ROBO1: variants seen among roughly 807,000 people sequenced by gnomAD.
ROBO1 encodes roundabout homolog 1.
A neutral mutation model predicts 195.9 loss-of-function variants in ROBO1; 149 were observed. The ratio of observed to expected loss-of-function variants is 0.76; its 90% confidence interval spans 0.67 to 0.87. The LOEUF is 0.87. Ranked by LOEUF, ROBO1 falls within the 40% of genes least tolerant of loss-of-function variation. ROBO1 has a pLI of 0.00. For synonymous variants in ROBO1, 816 were observed against 733.2 expected (o/e 1.11, Z -1.82); for missense variants, 1,933 against 2,068.3 (o/e 0.93, Z 1.27).
chr3:78,641,276 A>C lies in ROBO1; in HGVS notation c.2883-1378T>G, dbSNP rs1004040962. Among the ~76,000 whole-genome samples the C allele has an allele frequency of 3.3e-5, 5 of 152,172 alleles. No individual in the cohort carries two copies. In the East Asian group the frequency reaches 9.6e-4, roughly 29 times the overall value. ...TGGTTACTTAAAGTGAGTGAGTGGC[A>C]GAGCTGAAATTCATACCCTAGCAGG... On this transcript the variant is annotated intron_variant, in intron 21 of 30. Transcript: ENST00000464233.
At chr3:79,325,454 A>G (rs1353944219) in intron 2 of ROBO1, among the ~76,000 whole-genome samples, 4 of 152,194 alleles carry the variant, frequency 2.6e-5, no homozygotes, top group African/African-American at 9.7e-5. Flanking sequence ...AGGTAAAGCA[A>G]TATTTTCTCA....
At chr3:79,474,006 G>C (rs557256191) in intron 2 of ROBO1, among the ~76,000 whole-genome samples, 36 of 152,140 alleles carry the variant, frequency 2.4e-4, no homozygotes, top group Non-Finnish European at 4.6e-4. Flanking sequence ...AAATAGTTAA[G>C]TATTTTTATT....
chr3:79,410,187 G>T (rs1305621725), intron 2 of ROBO1, among the ~76,000 whole-genome samples: 7 of 152,246 alleles, frequency 4.6e-5, no homozygotes, highest in Admixed American at 4.6e-4. Flanking sequence ...ATCTTTAAAT[G>T]GAAGTGGTTA....
At chr3:79,737,805 T>C (rs1038647752) in intron 1 of ROBO1, among the ~76,000 whole-genome samples, 2 of 152,204 alleles carry the variant, frequency 1.3e-5, no homozygotes, top group African/African-American at 4.8e-5. Context: ...AAATGATGAA[T>C]GCCATAAGGA....
At chr3:79,079,912 A>G (rs1345489049) in intron 3 of ROBO1, among the ~76,000 whole-genome samples, 5 of 151,896 alleles carry the variant, frequency 3.3e-5, no homozygotes, top group Admixed American at 3.3e-4. Context: ...TATTTTAAAT[A>G]AAAATGAACA....
intron 28 of ROBO1, among the ~76,000 whole-genome samples, chr3:78,613,445 G>A (rs1703933369): frequency 2.0e-5 from 3 of 152,124 alleles, no homozygotes; most frequent in Admixed American, 2.0e-4. Context: ...AGGCAAACAT[G>A]CAAAAAGCCA....
intron 8 of ROBO1, among the ~76,000 whole-genome samples, chr3:78,691,094 C>T (rs1486832968): frequency 6.6e-6 from 1 of 152,044 alleles, no homozygotes; most frequent in Admixed American, 6.6e-5. Flanking sequence ...CTTTTAAAAA[C>T]CCTCTTCTAT....
intron 2 of ROBO1, among the ~76,000 whole-genome samples, chr3:79,337,670 T>C (rs2034733608): frequency 6.6e-6 from 1 of 152,238 alleles, no homozygotes; most frequent in Non-Finnish European, 1.5e-5. Context: ...CCCTATCACA[T>C]TGTATAGCTA....
chr3:79,627,823 A>T (rs1035485191), intron 1 of ROBO1, among the ~76,000 whole-genome samples: 3 of 152,196 alleles, frequency 2.0e-5, no homozygotes, highest in Middle Eastern at 3.2e-3. Context: ...AACCCCATCA[A>T]AAAATGGGTT....
At chr3:79,438,600 A>C (rs1399176358) in intron 2 of ROBO1, among the ~76,000 whole-genome samples, 1 of 152,032 alleles carries the variant, frequency 6.6e-6, no homozygotes, top group African/African-American at 2.4e-5. Flanking sequence ...TGAGTTCTTA[A>C]GTACCCTCAT....
chr3:79,203,796 T>C (rs2108784698), intron 2 of ROBO1, among the ~76,000 whole-genome samples: 1 of 152,294 alleles, frequency 6.6e-6, no homozygotes, highest in East Asian at 1.9e-4. Flanking sequence ...TGAATTACAC[T>C]CCGTAGTTAC....
At chr3:79,611,277 A>T (rs950775770) in intron 1 of ROBO1, among the ~76,000 whole-genome samples, 1 of 152,102 alleles carries the variant, frequency 6.6e-6, no homozygotes, top group Non-Finnish European at 1.5e-5. Context: ...TACAAATAGC[A>T]TACAAATCTA....
At chr3:79,573,061 T>C (rs1049430198) in intron 2 of ROBO1, among the ~76,000 whole-genome samples, 2 of 152,080 alleles carry the variant, frequency 1.3e-5, no homozygotes, top group African/African-American at 4.8e-5. Context: ...TACACATGTA[T>C]TTTTTTGAGA....
chr3:78,836,037 G>T (rs957166780), intron 4 of ROBO1, among the ~76,000 whole-genome samples: 1 of 152,116 alleles, frequency 6.6e-6, no homozygotes, highest in Non-Finnish European at 1.5e-5. Context: ...TACATGATTG[G>T]ACAATGCTGC....
chr3:79,232,604 C>T (rs561503394), intron 2 of ROBO1, among the ~76,000 whole-genome samples: 1 of 151,976 alleles, frequency 6.6e-6, no homozygotes, highest in Non-Finnish European at 1.5e-5. Flanking sequence ...CACAGAAGAT[C>T]CTATAAACTT....
chr3:79,096,689 T>C (rs548556469), intron 3 of ROBO1, among the ~76,000 whole-genome samples: 1 of 150,928 alleles, frequency 6.6e-6, no homozygotes, highest in Non-Finnish European at 1.5e-5. Context: ...TGTGTATACG[T>C]ACACACATAT....
chr3:79,206,667 T>C (rs750888411), intron 2 of ROBO1, among the ~76,000 whole-genome samples: 1 of 152,060 alleles, frequency 6.6e-6, no homozygotes. Context: ...TAAGACACTA[T>C]CAAGCAGAAA....
At chr3:79,397,246 T>C (rs978226463) in intron 2 of ROBO1, among the ~76,000 whole-genome samples, 1 of 150,702 alleles carries the variant, frequency 6.6e-6, no homozygotes, top group Non-Finnish European at 1.5e-5. Flanking sequence ...TAATCATATA[T>C]ATTTAATAAT....
intron 3 of ROBO1, among the ~76,000 whole-genome samples, chr3:79,063,045 C>A (rs977368951): frequency 7.2e-5 from 11 of 151,856 alleles, no homozygotes; most frequent in African/African-American, 1.4e-4. Flanking sequence ...CTGTACAGGG[C>A]AGGATAGTAA....
Sources: allele counts gnomAD v4.1 joint callset (sites outside exome capture counted in the v4.1 genomes callset), GRCh38; gene constraint gnomAD v4.1.1; transcripts MANE v1.5; gene names NCBI Gene and HGNC (gene_info 2026-07-23, HGNC 2026-07-21).